Variants in UNC5C observed in about 807,000 individuals in gnomAD.
The protein encoded by UNC5C is unc-5 netrin receptor C.
UNC5C carries 47 observed loss-of-function variants against 99.8 expected under a neutral mutation model. That is an observed-to-expected ratio of 0.47 (90% CI 0.37 to 0.60). The LOEUF is 0.60. Among genes scored for constraint, UNC5C ranks in the 20% least tolerant of loss-of-function variants. The pLI is 0.00. For synonymous variants in UNC5C, 487 were observed against 452.2 expected, an observed-to-expected ratio of 1.08 and a Z score of -0.98; for missense variants, 1,062 against 1,165.9, an observed-to-expected ratio of 0.91 and a Z score of 1.30.
chr4:95,498,567 C>T (rs536029263), intron 1 of UNC5C, among the ~76,000 whole-genome samples: 6 of 152,022 alleles, frequency 3.9e-5, no homozygotes, highest in South Asian at 2.1e-4. Context: ...TATAATGGTA[C>T]GATTTTTTCT....
At chr4:95,407,997 TAGTA>T (rs1236185368) in intron 1 of UNC5C, among the ~76,000 whole-genome samples, 3 of 152,214 alleles carry the variant, frequency 2.0e-5, no homozygotes, top group Non-Finnish European at 2.9e-5. Context: ...GCTCAGCAGT[TAGTA>T]AGGAATTATT....
intron 4 of UNC5C, among the ~76,000 whole-genome samples, chr4:95,254,840 T>A (rs534930841): frequency 3.9e-5 from 6 of 152,210 alleles, no homozygotes; most frequent in Non-Finnish European, 8.8e-5. Flanking sequence ...ATCTATTGAA[T>A]TTACCAATTT....
rs76401703 is a variant in UNC5C at position 95,370,743 on chromosome 4, G to A, written c.125-35112C>T. ...TTGTGGGTGACTCCATGTAATTACC[G>A]CGTACAGGTTTATACTTTATCACAG... On this transcript the variant is annotated intron_variant, in intron 1 of 15. Coordinates refer to ENST00000453304, the MANE Select transcript of UNC5C (RefSeq NM_003728.4). 1.3e-3 allele frequency among the ~76,000 whole-genome samples: 193 copies of A among 152,284 alleles called. 6 individuals carry two copies. In the East Asian group the frequency reaches 0.032, roughly 25 times the overall value.
chr4:95,470,025 G>A lies in UNC5C; in HGVS notation c.124+78709C>T, dbSNP rs139865291. On this transcript the variant is annotated intron_variant, in intron 1 of 15. Coordinates refer to ENST00000453304, the MANE Select transcript of UNC5C (RefSeq NM_003728.4). ...TATTTAATACTGCATCTTTATGTTC[G>A]TTTACATTTCTTTGGATTGCAAATA... Among the ~76,000 whole-genome samples the A allele has an allele frequency of 2.6e-3, 400 of 152,130 alleles. 1 individual carries two copies. The highest frequency in any genetic ancestry group is 6.6e-3 in the African/African-American group (273 of 41,526).
At chr4:95,442,252 GA>G (rs1272138720) in intron 1 of UNC5C, among the ~76,000 whole-genome samples, 1 of 152,084 alleles carries the variant, frequency 6.6e-6, no homozygotes, top group Non-Finnish European at 1.5e-5. Context: ...GCCCAGGCTG[GA>G]GTGCAGTGGT....
intron 3 of UNC5C, among the ~76,000 whole-genome samples, chr4:95,300,123 T>C (rs1157484640): frequency 1.3e-5 from 2 of 152,102 alleles, no homozygotes; most frequent in African/African-American, 2.4e-5. Flanking sequence ...ATGTAAAGGG[T>C]TCAGAAAAGA....
At position 95,414,558 on chromosome 4, in the gene UNC5C, C is replaced by A. The variant is rs540948766; in HGVS notation, c.125-78927G>T. On this transcript the variant is annotated intron_variant, in intron 1 of 15. Coordinates refer to ENST00000453304, the MANE Select transcript of UNC5C (RefSeq NM_003728.4). ...TAGCAACGAAGGTCCTTAGACCAAG[C>A]TGTTTTTGTATTTAACATGAACACA... is the stretch of plus-strand genomic sequence containing the variant. 6.2e-4 allele frequency among the ~76,000 whole-genome samples: 95 copies of A among 152,312 alleles called. 2 individuals are homozygous for A. In the South Asian group the frequency reaches 0.019, roughly 31 times the overall value.
intron 4 of UNC5C, among the ~76,000 whole-genome samples, chr4:95,266,903 T>C (rs1014401925): frequency 6.6e-6 from 1 of 152,234 alleles, no homozygotes; most frequent in Non-Finnish European, 1.5e-5. Context: ...TCCAGTTTTA[T>C]CTTGACTTTC....
intron 7 of UNC5C, among the ~76,000 whole-genome samples, chr4:95,227,405 G>C (rs1241208677): frequency 1.3e-5 from 2 of 151,982 alleles, no homozygotes; most frequent in African/African-American, 4.8e-5. Flanking sequence ...CTCCCACCTT[G>C]GCTTCCCAAA....
At chr4:95,334,421 T>C (rs906271076) in intron 2 of UNC5C, among the ~76,000 whole-genome samples, 1 of 151,996 alleles carries the variant, frequency 6.6e-6, no homozygotes, top group Admixed American at 6.6e-5. Context: ...TGCTTGATAT[T>C]CTTTGGCTTG....
chr4:95,517,603 C>G (rs1356650118), intron 1 of UNC5C, among the ~76,000 whole-genome samples: 1 of 152,184 alleles, frequency 6.6e-6, no homozygotes, highest in Non-Finnish European at 1.5e-5. Context: ...AAGATATACT[C>G]TTCCAGGTTG....
intron 1 of UNC5C, among the ~76,000 whole-genome samples, chr4:95,367,108 A>AACTT (rs993721519): frequency 2.6e-5 from 4 of 152,064 alleles, no homozygotes; most frequent in African/African-American, 9.7e-5. Context: ...AGGCTCAAAA[A>AACTT]ACTTAACATA....
intron 4 of UNC5C, among the ~76,000 whole-genome samples, chr4:95,277,643 T>C (rs1740910870): frequency 6.6e-6 from 1 of 152,232 alleles, no homozygotes; most frequent in African/African-American, 2.4e-5. Flanking sequence ...TGAAAAGTCA[T>C]GGTATGCATC....
intron 1 of UNC5C, among the ~76,000 whole-genome samples, chr4:95,464,600 T>G (rs1321280027): frequency 6.6e-6 from 1 of 152,198 alleles, no homozygotes. Flanking sequence ...AAATAGAGGA[T>G]AACATTTTAC....
At chr4:95,212,632 C>G (rs1442806827) in intron 10 of UNC5C, among the ~76,000 whole-genome samples, 1 of 152,152 alleles carries the variant, frequency 6.6e-6, no homozygotes, top group African/African-American at 2.4e-5. Context: ...GCTGGAGGTT[C>G]CTTCCTTGCC....
chr4:95,490,986 T>C (rs1374782897), intron 1 of UNC5C, among the ~76,000 whole-genome samples: 2 of 151,678 alleles, frequency 1.3e-5, no homozygotes, highest in Non-Finnish European at 3.0e-5. Flanking sequence ...TTATCTAGTG[T>C]AATGCCTTGC....
intron 2 of UNC5C, among the ~76,000 whole-genome samples, chr4:95,313,005 G>A (rs976317825): frequency 6.6e-6 from 1 of 152,078 alleles, no homozygotes; most frequent in Admixed American, 6.6e-5. Flanking sequence ...CATGACAAAA[G>A]GTATAGTGAA....
At chr4:95,222,418 T>A (rs2149369269) in intron 7 of UNC5C, among the ~76,000 whole-genome samples, 1 of 152,312 alleles carries the variant, frequency 6.6e-6, no homozygotes, top group South Asian at 2.1e-4. Flanking sequence ...TGATTTTGCA[T>A]CTCCTGTCTG....
intron 7 of UNC5C, among the ~76,000 whole-genome samples, chr4:95,223,952 C>T (rs1467708910): frequency 1.3e-5 from 2 of 152,130 alleles, no homozygotes; most frequent in Non-Finnish European, 2.9e-5. Flanking sequence ...GGCATGTTTA[C>T]AAATGCTATG....
Sources: allele counts gnomAD v4.1 joint callset (sites outside exome capture counted in the v4.1 genomes callset), GRCh38; gene constraint gnomAD v4.1.1; transcripts MANE v1.5; gene names NCBI Gene and HGNC (gene_info 2026-07-23, HGNC 2026-07-21).